The following ATP6V1H variants were observed in gnomAD, a reference collection of about 807,000 sequenced individuals.
ATP6V1H encodes the protein ATPase H+ transporting V1 subunit H, also known as V-type proton ATPase subunit H.
Under a neutral mutation model 71.7 loss-of-function variants are expected in ATP6V1H, and 39 were observed. The ratio of observed to expected loss-of-function variants is 0.54; its 90% CI spans 0.42 to 0.71. The LOEUF is 0.71. Among genes scored for constraint, ATP6V1H ranks in the 30% least tolerant of loss-of-function variants. The pLI is 0.00. For missense variants in ATP6V1H, 509 were observed against 594.9 expected (o/e 0.86, Z 1.50); for synonymous variants, 192 against 199.3 (o/e 0.96, Z 0.31).
intron 7 of ATP6V1H, among the ~76,000 whole-genome samples, chr8:53,807,925 G>C (rs1355603122): frequency 2.6e-5 from 4 of 152,216 alleles, no homozygotes; most frequent in Admixed American, 2.6e-4. Context: ...TGCCACAATG[G>C]ACAGTACAGC....
intron 9 of ATP6V1H, among the ~76,000 whole-genome samples, chr8:53,781,653 C>T (rs1391825235): frequency 6.6e-6 from 1 of 152,034 alleles, no homozygotes; most frequent in Non-Finnish European, 1.5e-5. Flanking sequence ...AGGTTTTCTT[C>T]TAGGGTTTTT....
In ATP6V1H at chr8:53,715,985, C is replaced by G; in HGVS notation, c.1431G>C (p.Gln477His). 1.2e-6 allele frequency: 2 copies of G among 1,607,984 alleles called. No homozygotes were observed. The highest frequency in any genetic ancestry group is 3.3e-4 in the Middle Eastern group (2 of 6,044). Residue 477 changes from glutamine to histidine, a missense_variant, in exon 14 of 14, where the codon CAG (glutamine) becomes CAC (histidine). Physicochemically the swap from Gln to His is conservative, Grantham distance 24. Around this residue, in one of 2 missense-constraint regions of ATP6V1H, gnomAD observed 212 missense variants for 291.6 expected, o/e 0.73. Coordinates refer to ENST00000359530, the MANE Select transcript of ATP6V1H (RefSeq NM_015941.4). ...AGGCTTAGCTTCGGGCGGCAGCGGT[C>G]TGGGGCTGCTCGGACTGGAGCTGCT... ...LGKQLQSEQP[Q>H]TAAARS
At chr8:53,782,286 T>C (rs1179810974) in intron 9 of ATP6V1H, among the ~76,000 whole-genome samples, 2 of 151,998 alleles carry the variant, frequency 1.3e-5, no homozygotes, top group Non-Finnish European at 2.9e-5. Context: ...CCTAGGTATT[T>C]TATTCTCTTT....
At chr8:53,788,540 A>C (rs1809454383) in intron 9 of ATP6V1H, among the ~76,000 whole-genome samples, 1 of 152,230 alleles carries the variant, frequency 6.6e-6, no homozygotes, top group South Asian at 2.1e-4. Context: ...TTATGGAGAA[A>C]AGGGCAGGGA....
intron 2 of ATP6V1H, chr8:53,839,912 A>G: frequency 2.0e-6 from 2 of 985,628 alleles, no homozygotes; most frequent in Non-Finnish European, 2.4e-6. Flanking sequence ...CACACACAGC[A>G]TCTTCACGAT....
At chr8:53,783,537 C>T (rs1178563184) in intron 9 of ATP6V1H, among the ~76,000 whole-genome samples, 3 of 152,148 alleles carry the variant, frequency 2.0e-5, no homozygotes, top group Non-Finnish European at 4.4e-5. Context: ...GTGTCTCTAT[C>T]TCCTTCAGTT....
chr8:53,820,688 G>C (rs1019756473), intron 4 of ATP6V1H, among the ~76,000 whole-genome samples: 11 of 147,606 alleles, frequency 7.5e-5, no homozygotes, highest in East Asian at 2.0e-4. Context: ...AAAAAGAAAA[G>C]AAAACAAAAG....
intron 11 of ATP6V1H, among the ~76,000 whole-genome samples, chr8:53,765,987 C>CA (rs1808446561): frequency 6.6e-6 from 1 of 152,158 alleles, no homozygotes; most frequent in Non-Finnish European, 1.5e-5. Context: ...TAGACCCACA[C>CA]AAATATAGTC....
intron 13 of ATP6V1H, among the ~76,000 whole-genome samples, chr8:53,719,642 G>A (rs563387345): frequency 7.9e-5 from 12 of 152,334 alleles, no homozygotes; most frequent in African/African-American, 1.9e-4. Context: ...ACCGCGTTCC[G>A]AGCCACCATG....
chr8:53,755,602 A>G (rs1484924227), intron 12 of ATP6V1H, among the ~76,000 whole-genome samples: 4 of 145,932 alleles, frequency 2.7e-5, no homozygotes, highest in Non-Finnish European at 6.0e-5. Flanking sequence ...AAGACAAAAA[A>G]TAGCCAGTGC....
chr8:53,829,260 T>G (rs1810916982), intron 4 of ATP6V1H, among the ~76,000 whole-genome samples, 184 bp downstream of exon 4: 1 of 152,190 alleles, frequency 6.6e-6, no homozygotes, highest in Non-Finnish European at 1.5e-5. Flanking sequence ...AAAAACAGCC[T>G]GTGTGTGGGT....
chr8:53,775,293 G>A (rs545387475), intron 9 of ATP6V1H, among the ~76,000 whole-genome samples: 1 of 152,222 alleles, frequency 6.6e-6, no homozygotes, highest in African/African-American at 2.4e-5. Context: ...TGGACCCAAA[G>A]AGTGAGCAGT....
intron 9 of ATP6V1H, among the ~76,000 whole-genome samples, chr8:53,792,320 T>A (rs1401664086): frequency 6.6e-6 from 1 of 152,222 alleles, no homozygotes; most frequent in Non-Finnish European, 1.5e-5. Flanking sequence ...GAAAATCTAA[T>A]GCCCAGCCCA....
At chr8:53,729,278 G>A (rs1373975034) in intron 13 of ATP6V1H, among the ~76,000 whole-genome samples, 1 of 152,132 alleles carries the variant, frequency 6.6e-6, no homozygotes, top group Non-Finnish European at 1.5e-5. Flanking sequence ...TTGGAAGAGA[G>A]GAAGAAGAAA....
intron 2 of ATP6V1H, among the ~76,000 whole-genome samples, chr8:53,837,578 G>T (rs1811199105): frequency 6.6e-6 from 1 of 151,874 alleles, no homozygotes; most frequent in Admixed American, 6.6e-5. Flanking sequence ...AGAGGCCAAA[G>T]AATCTAAGGG....
intron 13 of ATP6V1H, among the ~76,000 whole-genome samples, chr8:53,742,437 T>C (rs1272053173): frequency 1.3e-5 from 2 of 152,150 alleles, no homozygotes; most frequent in African/African-American, 2.4e-5. Flanking sequence ...ACTCCAGTAA[T>C]AGAGCTGTAT....
intron 11 of ATP6V1H, among the ~76,000 whole-genome samples, chr8:53,768,321 A>G (rs1302405360): frequency 6.6e-6 from 1 of 152,176 alleles, no homozygotes; most frequent in East Asian, 1.9e-4. Flanking sequence ...CAGAACCCTC[A>G]TTCACTGTTG....
At chr8:53,816,201 T>C (rs1463641774) in intron 5 of ATP6V1H, among the ~76,000 whole-genome samples, 1 of 152,238 alleles carries the variant, frequency 6.6e-6, no homozygotes, top group African/African-American at 2.4e-5. Flanking sequence ...AATATATAAC[T>C]ATACTGTATG....
In ATP6V1H at chr8:53,743,709, T is replaced by C; in HGVS notation, c.1278-19A>G. ...GATGACCCTGCAAACGGGAGAGACG[T>C]GGTGAGGAAGATGCAATTACTCTCA... On this transcript the variant is annotated intron_variant, in intron 12 of 13. Coordinates refer to ENST00000359530, the MANE Select transcript of ATP6V1H (RefSeq NM_015941.4). 6.4e-7 allele frequency: 1 copy of C among 1,569,382 alleles called. No individual in the cohort carries two copies. The highest frequency in any genetic ancestry group is 8.7e-7 in the Non-Finnish European group (1 of 1,145,334).
Sources: allele counts gnomAD v4.1 joint callset (sites outside exome capture counted in the v4.1 genomes callset), GRCh38; gene constraint gnomAD v4.1.1; regional missense constraint gnomAD v4.1.1; transcripts MANE v1.5; gene names NCBI Gene and HGNC (gene_info 2026-07-23, HGNC 2026-07-21).